RHOA: variants seen among roughly 807,000 people sequenced by gnomAD.
The protein encoded by RHOA is transforming protein RhoA.
Under a neutral mutation model 17.5 loss-of-function variants are expected in RHOA, and 3 were observed. The ratio of observed to expected loss-of-function variants is 0.17; its 90% CI spans 0.08 to 0.44. RHOA has a LOEUF of 0.44. Among genes scored for constraint, RHOA ranks in the 20% least tolerant of loss-of-function variants. The pLI is 0.99. For synonymous variants in RHOA, 98 were observed against 88.4 expected (o/e 1.11, Z -0.61); for missense variants, 56 against 242.3 (o/e 0.23, Z 5.10).
At chr3:49,365,850 C>T (rs1331157617) in intron 3 of RHOA, among the ~76,000 whole-genome samples, 1 of 152,026 alleles carries the variant, frequency 6.6e-6, no homozygotes, top group African/African-American at 2.4e-5. Context: ...CTCAGCCTCC[C>T]GAAGTGCTGG....
intron 1 of RHOA, among the ~76,000 whole-genome samples, chr3:49,378,163 T>C (rs1267899918): frequency 1.6e-5 from 2 of 122,716 alleles, no homozygotes; most frequent in Admixed American, 9.1e-5. Flanking sequence ...AGAGTGAAAC[T>C]GTGTCTTAAA....
chr3:49,382,361 G>A (rs984696050), intron 1 of RHOA, among the ~76,000 whole-genome samples: 50 of 146,652 alleles, frequency 3.4e-4, no homozygotes, highest in South Asian at 6.6e-4. Context: ...GACACTGGGC[G>A]TGGTGGCTCA....
intron 1 of RHOA, among the ~76,000 whole-genome samples, chr3:49,386,645 T>C (rs562966503): frequency 2.6e-5 from 4 of 152,172 alleles, no homozygotes; most frequent in African/African-American, 9.6e-5. Flanking sequence ...CGTATTATTC[T>C]CCTTTGCCTA....
chr3:49,400,842 A>G (rs975898704), intron 1 of RHOA, among the ~76,000 whole-genome samples: 23 of 151,502 alleles, frequency 1.5e-4, no homozygotes, highest in African/African-American at 5.1e-4. Context: ...TCAGGAGATC[A>G]AGACCATCCT....
rs143948946 is a variant in RHOA, at chr3:49,387,784, T to C, written c.-2-12193A>G. On this transcript the variant is annotated intron_variant, in intron 1 of 4. Coordinates refer to ENST00000418115, the MANE Select transcript of RHOA (RefSeq NM_001664.4). Reference sequence around the variant, plus strand: ...AAAAAACCCTATTATGTTTGTTTTCTATGCTTTTATGATGTTTTTGCATAC... The same window carrying C: ...AAAAAACCCTATTATGTTTGTTTTCCATGCTTTTATGATGTTTTTGCATAC... Among the ~76,000 whole-genome samples, 611 of 152,082 alleles carry C rather than the reference T, an allele frequency of 4.0e-3. 7 individuals carry two copies. The highest frequency in any genetic ancestry group is 0.014 in the African/African-American group (585 of 41,498).
intron 1 of RHOA, among the ~76,000 whole-genome samples, chr3:49,376,472 T>C (rs979738371): frequency 1.3e-5 from 2 of 150,288 alleles, no homozygotes; most frequent in Non-Finnish European, 3.0e-5. Flanking sequence ...AGAAACCCCA[T>C]CTCTACTAAA....
chr3:49,385,775 GGGGT>G (rs2107868181), intron 1 of RHOA, among the ~76,000 whole-genome samples: 1 of 152,188 alleles, frequency 6.6e-6, no homozygotes, highest in South Asian at 2.1e-4. Flanking sequence ...TATGAGGTAA[GGGGT>G]CCAACTTCAT....
chr3:49,403,874 G>A (rs145507238), intron 1 of RHOA, among the ~76,000 whole-genome samples: 47 of 151,958 alleles, frequency 3.1e-4, no homozygotes, highest in Non-Finnish European at 4.6e-4. Context: ...GTGGAGTCTA[G>A]GAACCACTGT....
chr3:49,403,079 C>T (rs531680184), intron 1 of RHOA, among the ~76,000 whole-genome samples: 4 of 151,240 alleles, frequency 2.6e-5, no homozygotes, highest in Non-Finnish European at 5.9e-5. Flanking sequence ...CGGTGGCTCA[C>T]GCCTGTAATC....
At chr3:49,370,782 A>G (rs922360825) in intron 2 of RHOA, among the ~76,000 whole-genome samples, 2 of 152,126 alleles carry the variant, frequency 1.3e-5, no homozygotes, top group Non-Finnish European at 1.5e-5. Flanking sequence ...CATGTTAAAC[A>G]TCCTCTGTAC....
chr3:49,403,416 T>C (rs1336984406), intron 1 of RHOA, among the ~76,000 whole-genome samples: 5 of 152,134 alleles, frequency 3.3e-5, no homozygotes, highest in African/African-American at 4.8e-5. Flanking sequence ...TACACATTCA[T>C]CAAAATTTAT....
At chr3:49,400,262 C>G (rs913096934) in intron 1 of RHOA, among the ~76,000 whole-genome samples, 9 of 151,100 alleles carry the variant, frequency 6.0e-5, no homozygotes, top group Middle Eastern at 3.4e-3. Flanking sequence ...TACTGCCCCC[C>G]TCTCCCCCAA....
chr3:49,367,913 A>G (rs1037963695), intron 3 of RHOA, among the ~76,000 whole-genome samples: 1 of 151,564 alleles, frequency 6.6e-6, no homozygotes, highest in Non-Finnish European at 1.5e-5. Context: ...AATAATAATA[A>G]TAATTATTAT....
At chr3:49,376,614 GC>G (rs1423067575) in intron 1 of RHOA, among the ~76,000 whole-genome samples, 6 of 140,762 alleles carry the variant, frequency 4.3e-5, no homozygotes, top group Admixed American at 7.5e-5. Flanking sequence ...CTGCACACCA[GC>G]CTGGGGGACA....
chr3:49,411,084 C>G (rs1332951267), intron 1 of RHOA, among the ~76,000 whole-genome samples: 1 of 152,158 alleles, frequency 6.6e-6, no homozygotes, highest in Non-Finnish European at 1.5e-5. Context: ...GCGACTTCGA[C>G]TAAGCAACAT....
At chr3:49,398,625 C>G (rs1460431960) in intron 1 of RHOA, among the ~76,000 whole-genome samples, 1 of 149,538 alleles carries the variant, frequency 6.7e-6, no homozygotes, top group Non-Finnish European at 1.5e-5. Flanking sequence ...AGATCGAGAC[C>G]ATCCTGGCTA....
intron 1 of RHOA, among the ~76,000 whole-genome samples, chr3:49,381,541 C>T (rs1389258258): frequency 6.6e-6 from 1 of 151,412 alleles, no homozygotes; most frequent in Non-Finnish European, 1.5e-5. Flanking sequence ...CGCCACTGCA[C>T]TCCAGCCTGG....
chr3:49,393,752 C>T (rs1575670632), intron 1 of RHOA, among the ~76,000 whole-genome samples: 1 of 150,552 alleles, frequency 6.6e-6, no homozygotes, highest in African/African-American at 2.4e-5. Context: ...CTCTGTCGCC[C>T]AGGCTGGAGT....
intron 1 of RHOA, among the ~76,000 whole-genome samples, chr3:49,381,636 G>C (rs2048318916): frequency 6.6e-6 from 1 of 151,804 alleles, no homozygotes; most frequent in South Asian, 2.1e-4. Context: ...GGAGGCCGAG[G>C]CCTGTGGATC....
Sources: gnomAD v4.1 joint callset for allele counts (sites outside exome capture counted in the v4.1 genomes callset) on GRCh38, gnomAD v4.1.1 for gene constraint, MANE v1.5 for transcripts, NCBI Gene and HGNC (gene_info 2026-07-23, HGNC 2026-07-21) for gene names.